Variants in PTPRN2 observed in about 807,000 individuals in gnomAD.
PTPRN2 encodes the protein receptor-type tyrosine-protein phosphatase N2.
Under a neutral mutation model 118.8 loss-of-function variants are expected in PTPRN2, and 74 were observed. The observed-to-expected ratio is 0.62, with a 90% CI of 0.52 to 0.76. The LOEUF (loss-of-function observed/expected upper bound fraction) is 0.76. Ranked by LOEUF, PTPRN2 falls within the 30% of genes least tolerant of loss-of-function variation. PTPRN2 has a pLI of 0.00. For synonymous variants in PTPRN2, 641 were observed against 608.0 expected (o/e 1.05, Z -0.80); for missense variants, 1,481 against 1,394.4 (o/e 1.06, Z -0.99).
intron 12 of PTPRN2, among the ~76,000 whole-genome samples, chr7:157,717,569 G>T (rs1798987177): frequency 1.3e-5 from 2 of 152,272 alleles, no homozygotes; most frequent in South Asian, 4.1e-4. Flanking sequence ...AGAGCTCGGA[G>T]GTCTATGGAC....
intron 11 of PTPRN2, among the ~76,000 whole-genome samples, chr7:157,920,151 C>T (rs765736365): frequency 7.2e-5 from 11 of 152,088 alleles, no homozygotes; most frequent in South Asian, 2.1e-4. Context: ...AGCAACGCAT[C>T]GCTGTCTAAG....
chr7:158,345,652 C>T (rs1807454994), intron 2 of PTPRN2, among the ~76,000 whole-genome samples: 2 of 152,294 alleles, frequency 1.3e-5, no homozygotes, highest in African/African-American at 2.4e-5. Context: ...GCTGAGGAAG[C>T]AAAATGACTT....
At chr7:158,519,000 C>A (rs1163688419) in intron 1 of PTPRN2, among the ~76,000 whole-genome samples, 1 of 151,968 alleles carries the variant, frequency 6.6e-6, no homozygotes, top group Admixed American at 6.6e-5. Flanking sequence ...AACAAACAAA[C>A]AAAAAAACAA....
At chr7:157,814,200 C>T (rs963650714) in intron 12 of PTPRN2, among the ~76,000 whole-genome samples, 1 of 152,226 alleles carries the variant, frequency 6.6e-6, no homozygotes, top group African/African-American at 2.4e-5. Flanking sequence ...GGCGAGGAAG[C>T]CCCTGCTGAC....
chr7:158,191,209 A>T (rs1324302151), intron 5 of PTPRN2, among the ~76,000 whole-genome samples: 1 of 152,188 alleles, frequency 6.6e-6, no homozygotes, highest in Non-Finnish European at 1.5e-5. Flanking sequence ...TGGCAGGAAC[A>T]TAATAGAAAC....
At chr7:157,995,897 G>A (rs1804689048) in intron 11 of PTPRN2, among the ~76,000 whole-genome samples, 1 of 152,254 alleles carries the variant, frequency 6.6e-6, no homozygotes, top group Non-Finnish European at 1.5e-5. Flanking sequence ...GTGGATGAAT[G>A]GATAAAGAAA....
chr7:158,331,708 C>A lies in PTPRN2; in HGVS notation c.164-14776G>T, dbSNP rs529894478. 2.0e-3 allele frequency among the ~76,000 whole-genome samples: 297 copies of A among 150,706 alleles called. 9 individuals are homozygous for A. Among genetic ancestry groups the A allele is most frequent in the African/African-American group, 7.1e-3 (287 of 40,224 alleles). On this transcript the variant is annotated intron_variant, in intron 2 of 22. Transcript: ENST00000389418. ...AGGTGACACTTGCAGACGTCACTAA[C>A]ACCCACATTCTCACCATAAGAGCTG...
At chr7:158,110,401 C>T (rs1254997115) in intron 10 of PTPRN2, among the ~76,000 whole-genome samples, 1 of 152,206 alleles carries the variant, frequency 6.6e-6, no homozygotes, top group Non-Finnish European at 1.5e-5. Flanking sequence ...GCTGCAGAGA[C>T]TCGGGATCCA....
At chr7:158,407,104 CCCTGGGTCCTGCGTCCTGGGT>C (rs1172270883) in intron 2 of PTPRN2, among the ~76,000 whole-genome samples, 16 of 150,998 alleles carry the variant, frequency 1.1e-4, no homozygotes, top group African/African-American at 3.2e-4. Context: ...ACAAGCCCAG[CCCTGGGTCCTGCGTCCTGGGT>C]CCTGGGTCCT....
intron 9 of PTPRN2, among the ~76,000 whole-genome samples, chr7:158,121,075 G>A (rs1044831947): frequency 6.6e-6 from 1 of 152,058 alleles, no homozygotes; most frequent in Non-Finnish European, 1.5e-5. Flanking sequence ...CCTTCCTCCC[G>A]GCTCCTGTGC....
intron 3 of PTPRN2, among the ~76,000 whole-genome samples, chr7:158,299,300 A>ATTTT (rs35390191): frequency 6.9e-6 from 1 of 144,146 alleles, no homozygotes; most frequent in Non-Finnish European, 1.5e-5. Context: ...TCAGGAAGCA[A>ATTTT]TTTTTTTTTT....
chr7:158,376,463 G>A (rs1810522014), intron 2 of PTPRN2, among the ~76,000 whole-genome samples: 1 of 140,390 alleles, frequency 7.1e-6, no homozygotes, highest in African/African-American at 2.7e-5. Context: ...CCACATCCCT[G>A]TCACACGTCC....
At chr7:157,724,206 T>C (rs943940449) in intron 12 of PTPRN2, among the ~76,000 whole-genome samples, 58 of 152,166 alleles carry the variant, frequency 3.8e-4, no homozygotes, top group African/African-American at 1.4e-3. Context: ...CCCGTCTGAA[T>C]TGCGCTGGTT....
rs11975439 is a variant in PTPRN2, at chr7:158,366,370, G to A, written c.164-49438C>T. ...GGAGAAGCCACAGCCCAATGCACGCGTGCAAACGCACACACACCCACACAC... is the reference window on the plus strand; with the variant it reads ...GGAGAAGCCACAGCCCAATGCACGCATGCAAACGCACACACACCCACACAC... On this transcript the variant is annotated intron_variant, in intron 2 of 22. Coordinates refer to ENST00000389418, the MANE Select transcript of PTPRN2 (RefSeq NM_002847.5). Among the ~76,000 whole-genome samples, 768 of 114,516 alleles carry A rather than the reference G, an allele frequency of 6.7e-3. 9 individuals carry two copies. The highest frequency in any genetic ancestry group is 0.022 in the African/African-American group (687 of 30,794). The allele number at this position is 114,516 out of a possible 152,430, so 75.1% of individuals were successfully genotyped here.
intron 12 of PTPRN2, among the ~76,000 whole-genome samples, chr7:157,695,512 A>G (rs955134417): frequency 1.2e-4 from 18 of 152,344 alleles, no homozygotes; most frequent in African/African-American, 4.1e-4. Context: ...GTATGTGTAT[A>G]AGGCATTTCT....
chr7:157,563,242 G>A (rs1411274233), intron 21 of PTPRN2, among the ~76,000 whole-genome samples: 9 of 100,410 alleles, frequency 9.0e-5, no homozygotes, highest in South Asian at 7.2e-4. Flanking sequence ...GTGCTCCCGC[G>A]TCACCACACA....
Position 157,758,998 on chromosome 7 carries a change from T to C in PTPRN2, c.1789-76061A>G, listed in dbSNP as rs1411438454. On this transcript the variant is annotated intron_variant, in intron 12 of 22. Transcript: ENST00000389418. ...AACTTTCATACCTAGGTTTATGTCATACTTTCCAAGTTACACAAGTCACAT... is the reference window on the plus strand; with the variant it reads ...AACTTTCATACCTAGGTTTATGTCACACTTTCCAAGTTACACAAGTCACAT... Among the ~76,000 whole-genome samples the C allele has an allele frequency of 5.2e-5, 8 of 152,384 alleles. 1 individual carries two copies. In the South Asian group the frequency reaches 1.7e-3, roughly 32 times the overall value.
At chr7:158,206,683 C>G (rs1012067459) in intron 3 of PTPRN2, among the ~76,000 whole-genome samples, 1 of 152,120 alleles carries the variant, frequency 6.6e-6, no homozygotes, top group Non-Finnish European at 1.5e-5. Context: ...CAAGGTGATA[C>G]ATCTGTGAGT....
chr7:158,194,662 C>T (rs536552438), intron 4 of PTPRN2, among the ~76,000 whole-genome samples: 67 of 152,320 alleles, frequency 4.4e-4, no homozygotes, highest in African/African-American at 1.3e-3. Context: ...AGGCTAGGTC[C>T]GAGGTGGAGG....
Sources: allele counts gnomAD v4.1 joint callset (sites outside exome capture counted in the v4.1 genomes callset), GRCh38; gene constraint gnomAD v4.1.1; transcripts MANE v1.5; gene names NCBI Gene and HGNC (gene_info 2026-07-23, HGNC 2026-07-21).